Variants in CHRM3 observed in about 807,000 individuals in gnomAD.
The protein encoded by CHRM3 is muscarinic acetylcholine receptor M3.
CHRM3 carries 11 observed loss-of-function variants against 41.8 expected under a neutral mutation model. The observed-to-expected ratio is 0.26, with a 90% CI of 0.17 to 0.44. CHRM3 has a LOEUF of 0.44. Among genes scored for constraint, CHRM3 ranks in the 20% least tolerant of loss-of-function variants. The pLI, the probability that CHRM3 is intolerant of heterozygous loss-of-function variation, is 1.00. For missense variants in CHRM3, 571 were observed against 745.4 expected, an observed-to-expected ratio of 0.77 and a Z score of 2.72; for synonymous variants, 297 against 301.4, an observed-to-expected ratio of 0.99 and a Z score of 0.15.
chr1:239,743,788 C>CTTTTTTTT (rs10718514), intron 5 of CHRM3, among the ~76,000 whole-genome samples: 12 of 81,198 alleles, frequency 1.5e-4, no homozygotes, highest in Non-Finnish European at 2.1e-4. Flanking sequence ...TTTTTTTTTT[C>CTTTTTTTT]TTTTTTTTTT....
At chr1:239,489,710 C>A (rs1667437777) in intron 1 of CHRM3, among the ~76,000 whole-genome samples, 1 of 152,098 alleles carries the variant, frequency 6.6e-6, no homozygotes, top group South Asian at 2.1e-4. Context: ...CCAAAAATAA[C>A]TTGCAATTAG....
chr1:239,634,539 C>A (rs1416357456), intron 4 of CHRM3, among the ~76,000 whole-genome samples: 3 of 150,952 alleles, frequency 2.0e-5, no homozygotes, highest in African/African-American at 7.3e-5. Flanking sequence ...TTCTGAGCAT[C>A]TTCTTTTCTT....
At chr1:239,403,828 A>T (rs1197344847) in intron 1 of CHRM3, among the ~76,000 whole-genome samples, 1 of 151,878 alleles carries the variant, frequency 6.6e-6, no homozygotes, top group African/African-American at 2.4e-5. Context: ...AAAGCAGACC[A>T]GCTGAATAAA....
chr1:239,404,429 A>G (rs1442027723), intron 1 of CHRM3, among the ~76,000 whole-genome samples: 39 of 112,010 alleles, frequency 3.5e-4, no homozygotes, highest in African/African-American at 1.3e-3. Context: ...AAAGAAAGAA[A>G]GAAAGAAAGA....
chr1:239,820,812 CCATTATA>C (rs1671979250), intron 5 of CHRM3, among the ~76,000 whole-genome samples: 1 of 151,988 alleles, frequency 6.6e-6, no homozygotes, highest in Non-Finnish European at 1.5e-5. Flanking sequence ...CAGAAAGGAA[CCATTATA>C]TGAATGTATC....
chr1:239,650,698 A>T (rs771688601), intron 4 of CHRM3, among the ~76,000 whole-genome samples: 2 of 152,240 alleles, frequency 1.3e-5, no homozygotes, highest in African/African-American at 2.4e-5. Context: ...ACTAAAAGTG[A>T]GGGAAGATTT....
At chr1:239,632,137 G>T (rs1023856180) in intron 3 of CHRM3, 87 bp from the exon 4 acceptor site, 2 of 152,134 alleles carry the variant, frequency 1.3e-5, no homozygotes, top group African/African-American at 4.8e-5. Context: ...CTCTAATCGT[G>T]TTGTGTAACC....
intron 4 of CHRM3, among the ~76,000 whole-genome samples, chr1:239,662,952 C>T (rs1034146875): frequency 1.4e-4 from 8 of 58,976 alleles, no homozygotes; most frequent in Non-Finnish European, 2.5e-4. Flanking sequence ...CTTCCTTCTC[C>T]TTTCTCCTCT....
intron 5 of CHRM3, among the ~76,000 whole-genome samples, chr1:239,814,903 G>C (rs1448300964): frequency 1.3e-5 from 2 of 152,014 alleles, no homozygotes; most frequent in African/African-American, 4.8e-5. Flanking sequence ...GCCCAGACAC[G>C]TAGCTGGGAT....
chr1:239,751,713 A>G (rs1037309489), intron 5 of CHRM3, among the ~76,000 whole-genome samples: 4 of 152,122 alleles, frequency 2.6e-5, no homozygotes, highest in Non-Finnish European at 5.9e-5. Flanking sequence ...GGGGATTCTC[A>G]TCTCAGATCC....
rs80093551 is a variant in CHRM3 at position 239,554,291 on chromosome 1, C to T, written c.-313+8542C>T. Among the ~76,000 whole-genome samples the T allele has an allele frequency of 7.6e-4, 116 of 152,212 alleles. 2 individuals carry two copies. The East Asian group carries it at 0.022, about 28-fold the overall frequency. On this transcript the variant is annotated intron_variant, in intron 3 of 6. Coordinates refer to ENST00000676153, the MANE Select transcript of CHRM3 (RefSeq NM_001375978.1). Reference sequence around the variant, plus strand: ...TTTAAATATTTGAAGCCAGAGAATTCGAGTATTCTATTTATTCATTCAGCA... The same window carrying T: ...TTTAAATATTTGAAGCCAGAGAATTTGAGTATTCTATTTATTCATTCAGCA...
At chr1:239,392,068 C>T (rs763506326) in intron 1 of CHRM3, among the ~76,000 whole-genome samples, 1 of 152,184 alleles carries the variant, frequency 6.6e-6, no homozygotes, top group Non-Finnish European at 1.5e-5. Context: ...GATTTAATGT[C>T]TGGCCTGGGA....
intron 4 of CHRM3, among the ~76,000 whole-genome samples, chr1:239,662,386 G>A (rs1196147446): frequency 2.0e-5 from 3 of 151,858 alleles, no homozygotes; most frequent in Non-Finnish European, 2.9e-5. Context: ...TTTAACCTTG[G>A]GAAATAAAAT....
In CHRM3 at chr1:239,908,805, G is replaced by T. The variant is rs139203623; in HGVS notation, c.1354G>T (p.Ala452Ser). ...CAACTCCTCAGTGGGTAAGAGCACG[G>T]CCACTCTACCTCTGTCCTTCAAGGA... ...DVNSSVGKST[A>S]TLPLSFKEAT... Residue 452 changes from alanine (A) to serine (S), a missense_variant, in exon 7 of 7, where the codon GCC becomes TCC. Physicochemically the swap from Ala to Ser is moderately conservative, Grantham distance 99 (BLOSUM62 1). Transcript: ENST00000676153. The surrounding 1 kb of genome is among the most constrained non-coding windows in gnomAD (Gnocchi z 7.2). 9.7e-5 allele frequency: 156 copies of T among 1,614,142 alleles called. 2 individuals carry two copies. In the African/African-American group the frequency reaches 1.5e-3, roughly 15 times the overall value.
At chr1:239,467,347 G>C (rs890318605) in intron 1 of CHRM3, among the ~76,000 whole-genome samples, 1 of 152,104 alleles carries the variant, frequency 6.6e-6, no homozygotes, top group Admixed American at 6.5e-5. Context: ...TGTCACCCAG[G>C]CTGGAGTGCA....
chr1:239,600,422 A>G (rs951003721), intron 3 of CHRM3, among the ~76,000 whole-genome samples: 4 of 151,916 alleles, frequency 2.6e-5, no homozygotes, highest in East Asian at 1.9e-4. Flanking sequence ...ATTGATAGGC[A>G]TTTTTCCAGA....
intron 4 of CHRM3, among the ~76,000 whole-genome samples, chr1:239,652,505 T>C (rs1183319500): frequency 1.3e-5 from 2 of 152,226 alleles, no homozygotes; most frequent in Non-Finnish European, 1.5e-5. Context: ...TGTTAGTAAC[T>C]GTTCAATAAT....
At chr1:239,696,249 G>A (rs890939485) in intron 5 of CHRM3, among the ~76,000 whole-genome samples, 3 of 152,188 alleles carry the variant, frequency 2.0e-5, no homozygotes, top group Middle Eastern at 3.4e-3. Context: ...TACCTGTTCC[G>A]TGACTTGCCA....
intron 5 of CHRM3, among the ~76,000 whole-genome samples, chr1:239,763,465 A>C (rs1666962237): frequency 6.6e-6 from 1 of 152,234 alleles, no homozygotes; most frequent in Admixed American, 6.5e-5. Flanking sequence ...AGAGAAAGGA[A>C]CTTTCTTTCA....
Sources: gnomAD v4.1 joint callset for allele counts (sites outside exome capture counted in the v4.1 genomes callset) on GRCh38, gnomAD v4.1.1 for gene constraint, Gnocchi (gnomAD v3.1) non-coding constraint, MANE v1.5 for transcripts, NCBI Gene and HGNC (gene_info 2026-07-23, HGNC 2026-07-21) for gene names.